The following PDE10A variants were observed in gnomAD, a reference collection of about 807,000 sequenced individuals.
PDE10A encodes the protein cAMP and cAMP-inhibited cGMP 3',5'-cyclic phosphodiesterase 10A.
A neutral mutation model predicts 97.7 loss-of-function variants in PDE10A; 39 were observed. That is an observed-to-expected ratio of 0.40 (90% CI 0.31 to 0.52). PDE10A has a LOEUF of 0.52. PDE10A is among the 20% of genes least tolerant of loss of function. The pLI is 0.56. For missense variants in PDE10A, 731 were observed against 1,047.8 expected (o/e 0.70, Z 4.17); for synonymous variants, 371 against 376.8 (o/e 0.98, Z 0.18).
chr6:165,959,220 A>G (rs530724784), intron 1 of PDE10A, among the ~76,000 whole-genome samples: 2 of 152,272 alleles, frequency 1.3e-5, no homozygotes, highest in South Asian at 4.1e-4. Context: ...CCATTCCTAA[A>G]AAATGTTCAG....
rs113167831 is a variant in PDE10A, at chr6:165,671,694, T to TCA, written c.-614-128128_-614-128127dup. Among the ~76,000 whole-genome samples, 727 of 151,274 alleles carry TCA rather than the reference T, an allele frequency of 4.8e-3. 4 individuals are homozygous for TCA. Among genetic ancestry groups the TCA allele is most frequent in the African/African-American group, 0.014 (573 of 41,312 alleles). On this transcript the variant is annotated intron_variant, in intron 1 of 19. Coordinates refer to the PDE10A transcript ENST00000366882. This position sits in a 1 kb window ranked among gnomAD's most constrained non-coding sequence, Gnocchi z 4.6. ...AAAACGGATGAAAAGCAGCTAGATA[T>TCA]CACACACACACACACACATATATAT...
At chr6:165,837,029 T>TCA (rs1780080035) in intron 1 of PDE10A, among the ~76,000 whole-genome samples, 1 of 122,416 alleles carries the variant, frequency 8.2e-6, no homozygotes, top group Non-Finnish European at 1.6e-5. Context: ...AAGGGGAACA[T>TCA]CACACTCTGG....
intron 6 of PDE10A, among the ~76,000 whole-genome samples, chr6:165,434,506 C>T (rs900994836): frequency 6.6e-6 from 1 of 152,148 alleles, no homozygotes; most frequent in Non-Finnish European, 1.5e-5. Flanking sequence ...GAGGGCTCCA[C>T]TTTGTCTAGT....
chr6:165,896,070 C>A (rs1356164428), intron 1 of PDE10A, among the ~76,000 whole-genome samples: 1 of 152,216 alleles, frequency 6.6e-6, no homozygotes. Context: ...AAGGCCACAT[C>A]CTGCCCGGGC....
intron 3 of PDE10A, among the ~76,000 whole-genome samples, chr6:165,476,619 C>G (rs1779312775): frequency 6.6e-6 from 1 of 152,082 alleles, no homozygotes; most frequent in East Asian, 1.9e-4. Context: ...CTAAAAAGGA[C>G]TTTTAAAACA....
intron 2 of PDE10A, among the ~76,000 whole-genome samples, chr6:165,538,739 G>C (rs1019138807): frequency 6.6e-6 from 1 of 152,086 alleles, no homozygotes; most frequent in Non-Finnish European, 1.5e-5. Flanking sequence ...GGCATTAGTG[G>C]TGGGAAATTG....
intron 1 of PDE10A, among the ~76,000 whole-genome samples, chr6:165,925,539 C>T (rs751483125): frequency 2.0e-5 from 3 of 152,196 alleles, no homozygotes; most frequent in Non-Finnish European, 4.4e-5. Flanking sequence ...ATGTCCACAC[C>T]ATTAAATAGT....
chr6:165,433,453 G>A (rs904778665), intron 6 of PDE10A, among the ~76,000 whole-genome samples: 3 of 152,070 alleles, frequency 2.0e-5, no homozygotes, highest in South Asian at 2.1e-4. Context: ...TCTATGTGCC[G>A]GAACAGTCTT....
chr6:165,568,706 A>G (rs975494173), intron 1 of PDE10A, among the ~76,000 whole-genome samples: 5 of 152,218 alleles, frequency 3.3e-5, no homozygotes, highest in Non-Finnish European at 7.4e-5. Flanking sequence ...GAGAAGCCAT[A>G]AAGTAGTTCC....
intron 1 of PDE10A, among the ~76,000 whole-genome samples, chr6:165,954,523 A>G (rs775272331): frequency 1.3e-5 from 2 of 152,224 alleles, no homozygotes; most frequent in South Asian, 2.1e-4. Context: ...AGCAGAGCAT[A>G]AAACAGGGTT....
At chr6:165,898,679 C>T (rs1228336169) in intron 1 of PDE10A, among the ~76,000 whole-genome samples, 1 of 152,104 alleles carries the variant, frequency 6.6e-6, no homozygotes, top group African/African-American at 2.4e-5. Flanking sequence ...ACCCTCCCAA[C>T]CTCCCCACCC....
intron 10 of PDE10A, among the ~76,000 whole-genome samples, chr6:165,428,354 G>A (rs565125342): frequency 1.1e-4 from 16 of 152,136 alleles, no homozygotes; most frequent in African/African-American, 3.6e-4. Flanking sequence ...AAAATCAATC[G>A]AGAATTCCCC....
intron 2 of PDE10A, among the ~76,000 whole-genome samples, chr6:165,485,889 C>A (rs528271043): frequency 6.6e-6 from 1 of 152,300 alleles, no homozygotes; most frequent in Non-Finnish European, 1.5e-5. Flanking sequence ...CTACCGCGCC[C>A]GGCGGAGAGC....
At chr6:165,474,692 T>C (rs563063937) in intron 3 of PDE10A, among the ~76,000 whole-genome samples, 4 of 151,916 alleles carry the variant, frequency 2.6e-5, no homozygotes, top group Admixed American at 6.6e-5. Flanking sequence ...AAAAATCCAT[T>C]TTACGCAACT....
At chr6:165,431,571 C>T (rs1419459804) in intron 7 of PDE10A, 99 bp from the exon 8 acceptor site, 1 of 345,776 alleles carries the variant, frequency 2.9e-6, no homozygotes, top group Non-Finnish European at 5.1e-6. Context: ...TAATACATAA[C>T]ATATATATAC....
chr6:165,501,950 G>A (rs763009390), intron 2 of PDE10A, among the ~76,000 whole-genome samples: 4 of 152,210 alleles, frequency 2.6e-5, no homozygotes, highest in African/African-American at 7.2e-5. Context: ...TGAGAGACAT[G>A]TAAATCAACG....
At chr6:165,402,635 A>G (rs565776316) in intron 13 of PDE10A, among the ~76,000 whole-genome samples, 1 of 152,324 alleles carries the variant, frequency 6.6e-6, no homozygotes, top group South Asian at 2.1e-4. Flanking sequence ...ACTGAAATAT[A>G]TTTTGATGGC....
chr6:165,647,909 T>G (rs952258389), intron 1 of PDE10A, among the ~76,000 whole-genome samples: 1 of 152,244 alleles, frequency 6.6e-6, no homozygotes, highest in Non-Finnish European at 1.5e-5. Flanking sequence ...TTAACGACTG[T>G]AGCAAAAGAA....
intron 1 of PDE10A, among the ~76,000 whole-genome samples, chr6:165,875,731 G>GTTTTTTTTTGT (rs1554334699): frequency 0.037 from 1,729 of 46,666 alleles, 17 homozygotes; most frequent in East Asian, 0.15. Flanking sequence ...TTCTTTTACT[G>GTTTTTTTTTGT]TTTTTTTTTT....
Sources: gnomAD v4.1 joint callset for allele counts (sites outside exome capture counted in the v4.1 genomes callset) on GRCh38, gnomAD v4.1.1 for gene constraint, Gnocchi (gnomAD v3.1) non-coding constraint, MANE v1.5 for transcripts, NCBI Gene and HGNC (gene_info 2026-07-23, HGNC 2026-07-21) for gene names.